BLTP3B: variants seen among roughly 807,000 people sequenced by gnomAD.
BLTP3B encodes the protein UHRF1 (ICBP90) binding protein 1-like.
the BLTP3B span, among the ~76,000 whole-genome samples, chr12:100,085,979 C>T: frequency 6.6e-6 from 1 of 151,950 alleles, no homozygotes. Flanking sequence ...CAAAACAGCA[C>T]AAACACATGT....
chr12:100,073,998 T>C, the BLTP3B span, among the ~76,000 whole-genome samples: 2 of 152,010 alleles, frequency 1.3e-5, no homozygotes, highest in East Asian at 3.9e-4. Flanking sequence ...CTACTCAAAA[T>C]AGTACTGGAA....
At chr12:100,124,936 TTATATATATATATATATATATATATATA>T in the BLTP3B span, among the ~76,000 whole-genome samples, 30 of 56,534 alleles carry the variant, frequency 5.3e-4, no homozygotes, top group Middle Eastern at 0.017. Flanking sequence ...AAAAAAAATT[TTATATATATATATATATATATATATATA>T]TATATATATA....
the BLTP3B span, among the ~76,000 whole-genome samples, chr12:100,137,691 C>T: frequency 5.0e-4 from 76 of 152,220 alleles, no homozygotes; most frequent in African/African-American, 1.8e-3. Flanking sequence ...GCTCCTAAAC[C>T]CTAGACTTCA....
chr12:100,086,384 A>G, the BLTP3B span: 4,108 of 966,110 alleles, frequency 4.3e-3, 59 homozygotes, highest in African/African-American at 0.036. Flanking sequence ...GGGGGGGGGG[A>G]AATATTAAGT....
the BLTP3B span, among the ~76,000 whole-genome samples, chr12:100,116,638 G>A: frequency 2.0e-5 from 3 of 152,096 alleles, no homozygotes; most frequent in East Asian, 5.8e-4. Flanking sequence ...CTAAAATTAC[G>A]TGTAATGAGA....
the BLTP3B span, among the ~76,000 whole-genome samples, chr12:100,111,380 A>T: frequency 7.0e-6 from 1 of 142,894 alleles, no homozygotes; most frequent in African/African-American, 2.7e-5. Flanking sequence ...TTCAACCACG[A>T]CCGCCTGGAC....
the BLTP3B span, among the ~76,000 whole-genome samples, chr12:100,115,813 C>T: frequency 6.6e-6 from 1 of 151,676 alleles, no homozygotes; most frequent in Non-Finnish European, 1.5e-5. Flanking sequence ...TACATCTTGA[C>T]CAAGTGTTTA....
chr12:100,136,291 G>A, the BLTP3B span, among the ~76,000 whole-genome samples: 1 of 150,308 alleles, frequency 6.7e-6, no homozygotes. Flanking sequence ...TTTTTTCCTA[G>A]TTGCAAAATC....
the BLTP3B span, among the ~76,000 whole-genome samples, chr12:100,127,876 T>C: frequency 1.3e-5 from 2 of 152,028 alleles, no homozygotes; most frequent in Middle Eastern, 3.4e-3. Context: ...CAGCCAGGCA[T>C]GGGGTACATG....
chr12:100,113,721 G>A, the BLTP3B span, among the ~76,000 whole-genome samples: 1 of 151,938 alleles, frequency 6.6e-6, no homozygotes, highest in African/African-American at 2.4e-5. Context: ...ACTTTGGGAG[G>A]CCAAGGTAGG....
chr12:100,052,420 C>A, the BLTP3B span, among the ~76,000 whole-genome samples: 4 of 151,984 alleles, frequency 2.6e-5, no homozygotes. Context: ...CTGAAAAACA[C>A]TGAGTGGATA....
chr12:100,088,962 G>GCGCCGT, the BLTP3B span: 1 of 1,426,008 alleles, frequency 7.0e-7, no homozygotes, highest in Non-Finnish European at 9.2e-7. Context: ...ATCTAGATGA[G>GCGCCGT]AAATCACTAA....
chr12:100,076,234 T>C, the BLTP3B span, among the ~76,000 whole-genome samples: 1 of 152,060 alleles, frequency 6.6e-6, no homozygotes, highest in African/African-American at 2.4e-5. Context: ...CCAATAAAGT[T>C]TTATCAGTTT....
the BLTP3B span, among the ~76,000 whole-genome samples, chr12:100,123,762 T>A: frequency 2.4e-3 from 361 of 152,156 alleles, 2 homozygotes; most frequent in African/African-American, 7.8e-3. Context: ...TTTTTTTTTT[T>A]AAATGCATTC....
the BLTP3B span, among the ~76,000 whole-genome samples, chr12:100,060,560 G>A: frequency 6.6e-6 from 1 of 152,260 alleles, no homozygotes; most frequent in South Asian, 2.1e-4. Context: ...GGTTCTCCTT[G>A]AAAGGAGGGA....
chr12:100,088,892 T>C, the BLTP3B span: 2 of 1,500,588 alleles, frequency 1.3e-6, no homozygotes, highest in Non-Finnish European at 1.8e-6. Context: ...CCAAAATAGT[T>C]TGAAATAAGC....
At chr12:100,103,223 C>A in the BLTP3B span, among the ~76,000 whole-genome samples, 3 of 151,856 alleles carry the variant, frequency 2.0e-5, no homozygotes, top group Non-Finnish European at 4.4e-5. Context: ...CTGAACTACC[C>A]CAAAAAGCTT....
the BLTP3B span, among the ~76,000 whole-genome samples, chr12:100,079,559 T>C: frequency 6.6e-6 from 1 of 152,162 alleles, no homozygotes; most frequent in Non-Finnish European, 1.5e-5. Flanking sequence ...TAAAGGCATT[T>C]CATTTTATAA....
chr12:100,092,287 G>A, the BLTP3B span, among the ~76,000 whole-genome samples: 2 of 152,152 alleles, frequency 1.3e-5, no homozygotes, highest in African/African-American at 4.8e-5. Flanking sequence ...ATCAGATTAG[G>A]ACATTCTGTG....
Sources: gnomAD v4.1 joint callset for allele counts (sites outside exome capture counted in the v4.1 genomes callset) on GRCh38, gnomAD v4.1.1 for gene constraint, MANE v1.5 for transcripts, NCBI Gene and HGNC (gene_info 2026-07-23, HGNC 2026-07-21) for gene names.